SYNPO2: variants seen among roughly 807,000 people sequenced by gnomAD.
SYNPO2 encodes synaptopodin-2.
In SYNPO2, 56 loss-of-function variants were observed where a neutral mutation model predicts 85.0. The ratio of observed to expected loss-of-function variants is 0.66; its 90% CI spans 0.53 to 0.82. The LOEUF is 0.82. Among genes scored for constraint, SYNPO2 ranks in the 40% least tolerant of loss-of-function variants. SYNPO2 has a pLI of 0.00. For missense variants in SYNPO2, 1,575 were observed against 1,534.2 expected, an observed-to-expected ratio of 1.03 and a Z score of -0.44; for synonymous variants, 602 against 591.1, an observed-to-expected ratio of 1.02 and a Z score of -0.27.
chr4:118,923,974 A>C (rs549940168), intron 1 of SYNPO2, among the ~76,000 whole-genome samples: 1 of 152,088 alleles, frequency 6.6e-6, no homozygotes, highest in South Asian at 2.1e-4. Flanking sequence ...AGTTTCAATT[A>C]ATGATGATCT....
chr4:118,888,920 T>A lies in SYNPO2; in HGVS notation c.-117T>A. The A allele has an allele frequency of 1.0e-6, 1 of 1,000,988 alleles. No homozygotes were observed. The highest frequency in any genetic ancestry group is 1.4e-5 in the South Asian group (1 of 72,610). 62.0% of individuals were successfully genotyped at this position (1,000,988 alleles called of 1,614,324 possible). A position where few individuals can be genotyped will look rare whatever the true frequency, so the allele number is the denominator to read the frequency against. ...GCGGCTGCAGCAGCGGCGGACGCTCTGCATTACCCAGTCTTGCGTCCTCGG... is the reference window on the plus strand; with the variant it reads ...GCGGCTGCAGCAGCGGCGGACGCTCAGCATTACCCAGTCTTGCGTCCTCGG... On this transcript the variant is annotated 5_prime_UTR_variant, in exon 1 of 5. Transcript: ENST00000307142.
At chr4:118,891,512 A>G (rs181647304) in intron 1 of SYNPO2, among the ~76,000 whole-genome samples, 1 of 152,316 alleles carries the variant, frequency 6.6e-6, no homozygotes, top group East Asian at 1.9e-4. Context: ...TTGATTTCTT[A>G]TACTAGCATT....
In SYNPO2 at chr4:119,030,356, C is replaced by A; in HGVS notation, c.1581C>A (p.Thr527=). ...TPSREQDAAQ[T]DGLRTTTSYQ... is the part of the protein sequence containing the mutation. ...GCAGAGAACAAGATGCTGCCCAGAC[C>A]GATGGCCTGAGAACCACGACTTCTT... Residue 527 remains threonine, a synonymous_variant, in exon 4 of 5, where the codon ACC becomes ACA. Coordinates refer to ENST00000307142, the MANE Select transcript of SYNPO2 (RefSeq NM_133477.3). 6.2e-7 allele frequency: 1 copy of A among 1,614,038 alleles called. No homozygotes were observed. The highest frequency in any genetic ancestry group is 8.5e-7 in the Non-Finnish European group (1 of 1,180,020).
chr4:119,046,640 G>A (rs751565726), intron 4 of SYNPO2, among the ~76,000 whole-genome samples: 3 of 152,184 alleles, frequency 2.0e-5, no homozygotes, highest in Non-Finnish European at 4.4e-5. Context: ...GAGCTACATG[G>A]CATTCCATTT....
intron 1 of SYNPO2, among the ~76,000 whole-genome samples, chr4:118,900,715 A>C (rs866807866): frequency 6.9e-4 from 77 of 112,250 alleles, no homozygotes; most frequent in East Asian, 2.1e-3. Flanking sequence ...ATATATATAT[A>C]TATATATATA....
chr4:118,872,840 G>T (rs1731828292), intron 1 of SYNPO2, among the ~76,000 whole-genome samples: 1 of 151,348 alleles, frequency 6.6e-6, no homozygotes, highest in African/African-American at 2.4e-5. Context: ...TCCCCCTTTT[G>T]AGTCTCCATT....
At chr4:118,948,005 A>G (rs1734562555) in intron 1 of SYNPO2, among the ~76,000 whole-genome samples, 1 of 152,162 alleles carries the variant, frequency 6.6e-6, no homozygotes, top group African/African-American at 2.4e-5. Flanking sequence ...AAATGTCCAT[A>G]ATGGTCCAAA....
chr4:118,945,053 A>G (rs28439624), intron 1 of SYNPO2, among the ~76,000 whole-genome samples: 16,739 of 152,204 alleles, frequency 0.11, 985 homozygotes, highest in East Asian at 0.16. Flanking sequence ...ATCTTCTGGC[A>G]TTTCTGTTTA....
chr4:118,898,848 T>A (rs946975870), intron 1 of SYNPO2, among the ~76,000 whole-genome samples: 5 of 152,154 alleles, frequency 3.3e-5, no homozygotes, highest in Non-Finnish European at 7.3e-5. Flanking sequence ...AATACCACAG[T>A]TCTCTCAAAC....
chr4:118,926,074 G>A (rs944227203), intron 1 of SYNPO2, among the ~76,000 whole-genome samples: 2 of 152,152 alleles, frequency 1.3e-5, no homozygotes, highest in African/African-American at 4.8e-5. Flanking sequence ...GGTTGCAGGA[G>A]ATGGAGCATG....
chr4:119,009,809 A>ATGAGCTT (rs1269588294), intron 1 of SYNPO2, among the ~76,000 whole-genome samples: 3 of 152,226 alleles, frequency 2.0e-5, no homozygotes, highest in African/African-American at 7.2e-5. Flanking sequence ...TTAATGGTTT[A>ATGAGCTT]TGAGCTTTTA....
intron 4 of SYNPO2, among the ~76,000 whole-genome samples, chr4:119,044,712 T>G (rs1277430995): frequency 1.3e-5 from 2 of 152,130 alleles, no homozygotes; most frequent in African/African-American, 2.4e-5. Flanking sequence ...AGGGAGTAAA[T>G]CTTACATTTC....
chr4:118,977,345 G>T (rs1472302733), intron 1 of SYNPO2, among the ~76,000 whole-genome samples: 1 of 152,240 alleles, frequency 6.6e-6, no homozygotes, highest in Non-Finnish European at 1.5e-5. Context: ...TGCTCCGAGT[G>T]CGGGGCCTGC....
chr4:118,911,556 G>A (rs1733138397), intron 1 of SYNPO2, among the ~76,000 whole-genome samples: 1 of 151,966 alleles, frequency 6.6e-6, no homozygotes, highest in Non-Finnish European at 1.5e-5. Context: ...TTTTCTTTGT[G>A]CATGCATAAA....
At chr4:118,891,008 G>A (rs560489244) in intron 1 of SYNPO2, among the ~76,000 whole-genome samples, 4 of 151,968 alleles carry the variant, frequency 2.6e-5, no homozygotes, top group Non-Finnish European at 5.9e-5. Flanking sequence ...TGCATGTGAC[G>A]ATTTCAATGT....
Position 119,030,174 on chromosome 4 carries a change from G to C in SYNPO2, c.1399G>C (p.Gly467Arg), listed in dbSNP as rs1440448008. The C allele has an allele frequency of 6.2e-7, 1 of 1,614,002 alleles. No homozygotes were observed. Among genetic ancestry groups the C allele is most frequent in the African/African-American group, 1.3e-5 (1 of 74,880 alleles). ...TQVVNFDWDS[G>R]LVDIEKKLNR... ...AGTTGTGAACTTTGACTGGGATTCT[G>C]GACTGGTGGACATTGAAAAGAAACT... Residue 467 changes from glycine to arginine, a missense_variant, in exon 4 of 5, where the codon GGA becomes CGA. Coordinates refer to ENST00000307142, the MANE Select transcript of SYNPO2 (RefSeq NM_133477.3).
At chr4:118,854,560 A>T (rs1034804370) in intron 1 of SYNPO2, among the ~76,000 whole-genome samples, 9 of 152,234 alleles carry the variant, frequency 5.9e-5, no homozygotes, top group African/African-American at 1.9e-4. Flanking sequence ...AAGCCATTGT[A>T]AATTTACTTT....
intron 4 of SYNPO2, chr4:119,037,642 G>T (rs1297663966): frequency 2.0e-6 from 2 of 985,810 alleles, no homozygotes; most frequent in African/African-American, 3.5e-5. Context: ...CTGAGGAAAA[G>T]ACAGGAGTTA....
intron 1 of SYNPO2, among the ~76,000 whole-genome samples, chr4:118,902,803 C>T (rs1355524830): frequency 6.6e-6 from 1 of 152,086 alleles, no homozygotes; most frequent in Non-Finnish European, 1.5e-5. Context: ...TAGATCTGTA[C>T]TAGATCACTT....
Sources: gnomAD v4.1 joint callset for allele counts (sites outside exome capture counted in the v4.1 genomes callset) on GRCh38, gnomAD v4.1.1 for gene constraint, MANE v1.5 for transcripts, NCBI Gene and HGNC (gene_info 2026-07-23, HGNC 2026-07-21) for gene names.